LAMA2: variants seen among roughly 807,000 people sequenced by gnomAD.
LAMA2 encodes the protein laminin subunit alpha-2.
A neutral mutation model predicts 364.8 loss-of-function variants in LAMA2; 269 were observed. The ratio of observed to expected loss-of-function variants is 0.74; its 90% CI spans 0.67 to 0.82. The LOEUF is 0.82. LAMA2 is among the 40% of genes least tolerant of loss of function. LAMA2 has a pLI of 0.00. For synonymous variants in LAMA2, 1,379 were observed against 1,370.6 expected (o/e 1.01, Z -0.14); for missense variants, 3,807 against 3,873.2 (o/e 0.98, Z 0.45).
intron 22 of LAMA2, among the ~76,000 whole-genome samples, chr6:129,308,377 A>G (rs1562442063): frequency 6.6e-6 from 1 of 152,212 alleles, no homozygotes; most frequent in Non-Finnish European, 1.5e-5. Context: ...CGTTTTATCC[A>G]CAGAATGCTA....
chr6:129,176,512 A>G (rs1490738005), intron 9 of LAMA2, among the ~76,000 whole-genome samples: 5 of 152,090 alleles, frequency 3.3e-5, no homozygotes, highest in Admixed American at 2.0e-4. Flanking sequence ...TGAGTAAGTT[A>G]GCATCATTTT....
chr6:129,256,622 C>T (rs894238627), intron 14 of LAMA2, among the ~76,000 whole-genome samples: 6 of 151,658 alleles, frequency 4.0e-5, no homozygotes, highest in Admixed American at 1.3e-4. Flanking sequence ...GCAATGAATT[C>T]TTGTGTTAGC....
intron 36 of LAMA2, among the ~76,000 whole-genome samples, chr6:129,392,229 G>A (rs778510553): frequency 2.0e-5 from 3 of 152,100 alleles, no homozygotes; most frequent in Admixed American, 6.6e-5. Flanking sequence ...TTATGATAAC[G>A]CACTCAATAA....
At chr6:129,146,656 G>A (rs1477978399) in intron 5 of LAMA2, among the ~76,000 whole-genome samples, 1 of 151,960 alleles carries the variant, frequency 6.6e-6, no homozygotes, top group African/African-American at 2.4e-5. Context: ...GCTGTCCTTA[G>A]CCCCAGATAA....
chr6:129,365,871 G>A (rs1002355366), intron 32 of LAMA2, among the ~76,000 whole-genome samples: 5 of 152,124 alleles, frequency 3.3e-5, no homozygotes, highest in African/African-American at 1.2e-4. Context: ...CTCATGTAGG[G>A]ATTTAGGGGG....
intron 30 of LAMA2, among the ~76,000 whole-genome samples, chr6:129,346,679 C>T (rs542729297): frequency 1.3e-5 from 2 of 152,226 alleles, no homozygotes; most frequent in African/African-American, 2.4e-5. Context: ...CATGGCTCTT[C>T]GTACTGGGAA....
intron 1 of LAMA2, among the ~76,000 whole-genome samples, chr6:128,965,986 T>TTTTG (rs1781815676): frequency 6.7e-6 from 1 of 149,662 alleles, no homozygotes; most frequent in African/African-American, 2.4e-5. Context: ...GAGGTTTTTT[T>TTTTG]TTTTTTTTTT....
At chr6:129,061,022 A>G (rs1228783224) in intron 3 of LAMA2, among the ~76,000 whole-genome samples, 1 of 152,170 alleles carries the variant, frequency 6.6e-6, no homozygotes, top group Non-Finnish European at 1.5e-5. Flanking sequence ...AGTTAATAAT[A>G]TTTCTCAGGA....
intron 4 of LAMA2, among the ~76,000 whole-genome samples, chr6:129,136,994 C>T (rs1040094290): frequency 1.3e-5 from 2 of 152,006 alleles, no homozygotes; most frequent in Admixed American, 6.6e-5. Context: ...TGTTAGGTAT[C>T]GAAAGCATAA....
chr6:129,245,644 T>A (rs2114259235), intron 12 of LAMA2, among the ~76,000 whole-genome samples: 1 of 152,196 alleles, frequency 6.6e-6, no homozygotes, highest in East Asian at 1.9e-4. Flanking sequence ...ATGGATGAAT[T>A]TTTTTATATA....
At chr6:129,230,065 A>C (rs1257452538) in intron 12 of LAMA2, among the ~76,000 whole-genome samples, 2 of 152,198 alleles carry the variant, frequency 1.3e-5, no homozygotes, top group Non-Finnish European at 2.9e-5. Context: ...TGTGATAACC[A>C]AGAAAATGAA....
intron 51 of LAMA2, among the ~76,000 whole-genome samples, chr6:129,469,652 A>G (rs549078059): frequency 6.6e-6 from 1 of 151,968 alleles, no homozygotes; most frequent in Admixed American, 6.6e-5. Flanking sequence ...AAATGCTCAC[A>G]TTACTTTTAT....
intron 4 of LAMA2, among the ~76,000 whole-genome samples, chr6:129,138,711 G>T (rs186509179): frequency 6.6e-6 from 1 of 151,982 alleles, no homozygotes; most frequent in Admixed American, 6.6e-5. Flanking sequence ...TTCTGATAAG[G>T]TATGGTAAGA....
intron 30 of LAMA2, among the ~76,000 whole-genome samples, chr6:129,346,080 T>G (rs1421798882): frequency 6.6e-6 from 1 of 152,190 alleles, no homozygotes; most frequent in East Asian, 1.9e-4. Flanking sequence ...CAAGTCCTCA[T>G]TATCTCTTAC....
chr6:129,080,037 C>T (rs1473354389), intron 3 of LAMA2, among the ~76,000 whole-genome samples: 1 of 152,050 alleles, frequency 6.6e-6, no homozygotes, highest in Non-Finnish European at 1.5e-5. Context: ...CATATGAATA[C>T]TTGTGTCTGG....
At chr6:129,508,354 C>A (rs1786277011) in intron 62 of LAMA2, among the ~76,000 whole-genome samples, 1 of 152,026 alleles carries the variant, frequency 6.6e-6, no homozygotes, top group Admixed American at 6.6e-5. Context: ...TCACCTCAAA[C>A]ATGTATCCTT....
At chr6:129,040,752 C>A (rs570944544) in intron 1 of LAMA2, among the ~76,000 whole-genome samples, 1 of 152,314 alleles carries the variant, frequency 6.6e-6, no homozygotes, top group East Asian at 1.9e-4. Context: ...TTTTATGAAT[C>A]CATTGAGGAG....
intron 3 of LAMA2, among the ~76,000 whole-genome samples, chr6:129,079,262 TA>T (rs1485424518): frequency 6.6e-6 from 1 of 152,164 alleles, no homozygotes; most frequent in Non-Finnish European, 1.5e-5. Flanking sequence ...TATATTGTTG[TA>T]TTTTTTATTA....
chr6:129,083,989 C>T (rs575813295), intron 3 of LAMA2, among the ~76,000 whole-genome samples: 17 of 152,128 alleles, frequency 1.1e-4, no homozygotes, highest in Non-Finnish European at 2.5e-4. Context: ...ATTGCCTGTT[C>T]AAATTTTTCT....
Sources: allele counts gnomAD v4.1 joint callset (sites outside exome capture counted in the v4.1 genomes callset), GRCh38; gene constraint gnomAD v4.1.1; transcripts MANE v1.5; gene names NCBI Gene and HGNC (gene_info 2026-07-23, HGNC 2026-07-21).